Variants in NEGR1 observed in about 807,000 individuals in gnomAD.
NEGR1 encodes the protein neuronal growth regulator 1.
NEGR1 carries 10 observed loss-of-function variants against 40.9 expected under a neutral mutation model. The observed-to-expected ratio is 0.24, with a 90% confidence interval of 0.15 to 0.42. NEGR1 has a LOEUF of 0.42. NEGR1 is among the 10% of genes least tolerant of loss of function. The pLI, the probability that NEGR1 is intolerant of heterozygous loss-of-function variation, is 1.00. For missense variants in NEGR1, 352 were observed against 438.9 expected (o/e 0.80, Z 1.77); for synonymous variants, 185 against 166.8 (o/e 1.11, Z -0.84).
rs1553152644 is a variant in NEGR1 at position 71,597,472 on chromosome 1, C to CTG, written c.789-4506_789-4505dup. On this transcript the variant is annotated intron_variant, in intron 5 of 6. Coordinates refer to ENST00000357731, the MANE Select transcript of NEGR1 (RefSeq NM_173808.3). The stretch of plus-strand genomic sequence containing the variant: ...TCTCTCTCTCTCTCTCTCTCTCTCT[C>CTG]TGTGTGTGTGTGTGTGTGTGTGTGT... Among the ~76,000 whole-genome samples the CTG allele has an allele frequency of 1.2e-3, 39 of 31,334 alleles. 1 individual carries two copies. The highest frequency in any genetic ancestry group is 3.5e-3 in the African/African-American group (35 of 9,950). The allele number at this position is 31,334 out of a possible 152,430, so 20.6% of individuals were successfully genotyped here.
intron 6 of NEGR1, among the ~76,000 whole-genome samples, chr1:71,541,741 G>A (rs933182140): frequency 2.6e-5 from 4 of 151,700 alleles, no homozygotes; most frequent in African/African-American, 9.7e-5. Flanking sequence ...CAGCTTTCTG[G>A]GAAACCAATG....
At chr1:71,607,920 C>T (rs1441822824) in intron 5 of NEGR1, among the ~76,000 whole-genome samples, 1 of 152,150 alleles carries the variant, frequency 6.6e-6, no homozygotes, top group Non-Finnish European at 1.5e-5. Context: ...ATCTCTTGAC[C>T]TTGTGATCCA....
At chr1:72,236,573 G>A (rs1044933075) in intron 1 of NEGR1, among the ~76,000 whole-genome samples, 1 of 151,900 alleles carries the variant, frequency 6.6e-6, no homozygotes, top group South Asian at 2.1e-4. Flanking sequence ...TCAATCATGT[G>A]TAAATTATTA....
At chr1:72,201,084 C>T (rs1455513783) in intron 1 of NEGR1, among the ~76,000 whole-genome samples, 1 of 151,690 alleles carries the variant, frequency 6.6e-6, no homozygotes, top group Non-Finnish European at 1.5e-5. Flanking sequence ...CTCTCATTTA[C>T]TCCAAAGGAT....
intron 1 of NEGR1, among the ~76,000 whole-genome samples, chr1:71,979,437 T>A (rs938547156): frequency 6.6e-6 from 1 of 152,106 alleles, no homozygotes; most frequent in African/African-American, 2.4e-5. Context: ...TAATACCACT[T>A]CCATCTGTGA....
At chr1:71,979,800 A>G (rs1325346305) in intron 1 of NEGR1, among the ~76,000 whole-genome samples, 1 of 152,150 alleles carries the variant, frequency 6.6e-6, no homozygotes, top group Non-Finnish European at 1.5e-5. Context: ...GACACCAGCT[A>G]ACTTAGAAAG....
chr1:71,677,592 CCATTTGGAGGTTCA>C (rs1368023636), intron 4 of NEGR1, among the ~76,000 whole-genome samples: 2 of 151,964 alleles, frequency 1.3e-5, no homozygotes, highest in African/African-American at 4.8e-5. Flanking sequence ...CCACATGAGC[CCATTTGGAGGTTCA>C]CATTTGCTAT....
intron 2 of NEGR1, among the ~76,000 whole-genome samples, chr1:71,894,922 A>AT (rs572169384): frequency 0.017 from 2,513 of 147,532 alleles, 41 homozygotes; most frequent in South Asian, 0.096. Flanking sequence ...CCATCTCCAA[A>AT]TTTTTTTTTT....
At chr1:71,544,328 G>C (rs1647817357) in intron 6 of NEGR1, among the ~76,000 whole-genome samples, 1 of 151,582 alleles carries the variant, frequency 6.6e-6, no homozygotes, top group Non-Finnish European at 1.5e-5. Context: ...CTTGGGTTTG[G>C]GAACAGGTAC....
intron 3 of NEGR1, among the ~76,000 whole-genome samples, chr1:71,730,063 A>C (rs1654807366): frequency 1.3e-5 from 2 of 152,122 alleles, no homozygotes; most frequent in South Asian, 4.1e-4. Context: ...CAGAAAGATT[A>C]ATTTGGTGAC....
At chr1:72,221,674 G>A (rs1055991282) in intron 1 of NEGR1, among the ~76,000 whole-genome samples, 1 of 152,128 alleles carries the variant, frequency 6.6e-6, no homozygotes, top group East Asian at 1.9e-4. Context: ...AACATTAGTT[G>A]ACTAAAATCC....
At chr1:72,057,867 C>T (rs911557413) in intron 1 of NEGR1, among the ~76,000 whole-genome samples, 31 of 151,434 alleles carry the variant, frequency 2.0e-4, no homozygotes, top group African/African-American at 7.3e-4. Flanking sequence ...ATGGCACCAG[C>T]CTATGGGATT....
chr1:72,128,522 G>T (rs2100307030), intron 1 of NEGR1, among the ~76,000 whole-genome samples: 1 of 152,172 alleles, frequency 6.6e-6, no homozygotes, highest in Non-Finnish European at 1.5e-5. Context: ...AAGATTTCCA[G>T]AGTTATGAAT....
chr1:71,750,454 A>G (rs1332618584), intron 3 of NEGR1, among the ~76,000 whole-genome samples: 1 of 152,218 alleles, frequency 6.6e-6, no homozygotes, highest in Non-Finnish European at 1.5e-5. Context: ...TACCCGAGAC[A>G]TATAAAGAAA....
At chr1:72,208,488 G>A (rs1010384361) in intron 1 of NEGR1, among the ~76,000 whole-genome samples, 10 of 151,226 alleles carry the variant, frequency 6.6e-5, no homozygotes, top group African/African-American at 2.4e-4. Flanking sequence ...TTTTCTTCCC[G>A]TATAATTTTT....
At chr1:72,233,983 A>C (rs1050942504) in intron 1 of NEGR1, among the ~76,000 whole-genome samples, 1 of 152,076 alleles carries the variant, frequency 6.6e-6, no homozygotes, top group African/African-American at 2.4e-5. Context: ...ACCTTAAAAA[A>C]AATTATCTTT....
intron 2 of NEGR1, among the ~76,000 whole-genome samples, chr1:71,825,669 T>C (rs1024141743): frequency 6.6e-6 from 1 of 151,904 alleles, no homozygotes; most frequent in Non-Finnish European, 1.5e-5. Flanking sequence ...TCTTAATCTA[T>C]AAATTGAGAG....
chr1:72,225,596 A>T (rs1309849405), intron 1 of NEGR1, among the ~76,000 whole-genome samples: 1 of 151,494 alleles, frequency 6.6e-6, no homozygotes, highest in Non-Finnish European at 1.5e-5. Context: ...ATATTTAAAT[A>T]ACTGAGACTA....
intron 2 of NEGR1, among the ~76,000 whole-genome samples, chr1:71,778,565 T>C (rs1656590752): frequency 6.6e-6 from 1 of 152,188 alleles, no homozygotes. Context: ...TTCATAAACA[T>C]ACATACAGTG....
Sources: gnomAD v4.1 joint callset for allele counts (sites outside exome capture counted in the v4.1 genomes callset) on GRCh38, gnomAD v4.1.1 for gene constraint, MANE v1.5 for transcripts, NCBI Gene and HGNC (gene_info 2026-07-23, HGNC 2026-07-21) for gene names.